Variants in ZNF280D observed in about 807,000 individuals in gnomAD.
ZNF280D encodes suppressor of hairy wing homolog 4.
Under a neutral mutation model 94.7 loss-of-function variants are expected in ZNF280D, and 39 were observed. That is an observed-to-expected ratio of 0.41 (90% CI 0.32 to 0.54). ZNF280D has a LOEUF of 0.54. Among genes scored for constraint, ZNF280D ranks in the 20% least tolerant of loss-of-function variants. The probability of loss-of-function intolerance (pLI) is 0.22; values close to 1 mark genes in which losing one functional copy is unlikely to be tolerated. For synonymous variants in ZNF280D, 398 were observed against 377.6 expected (o/e 1.05, Z -0.63); for missense variants, 1,090 against 1,149.3 (o/e 0.95, Z 0.75).
In ZNF280D at chr15:56,689,425, T is replaced by A; in HGVS notation, c.545A>T (p.Glu182Val). Residue 182 changes from glutamate (E) to valine (V), a missense_variant, in exon 8 of 22, where the codon GAA becomes GTA. Around this residue, in one of 3 missense-constraint regions of ZNF280D, gnomAD observed 386 missense variants for 372.0 expected, o/e 1.04. Coordinates refer to ENST00000267807, the MANE Select transcript of ZNF280D (RefSeq NM_017661.4). ...CTTCTTTGGATTAACATTATTTACTTCAGAAGTAGAAGGACGTTTTGATAA... is the reference window on the plus strand; with the variant it reads ...CTTCTTTGGATTAACATTATTTACTACAGAAGTAGAAGGACGTTTTGATAA... ...SFLSKRPSTS[E>V]VNNVNPKKPK... 6.3e-7 allele frequency: 1 copy of A among 1,584,578 alleles called. No individual in the cohort carries two copies. Among genetic ancestry groups the A allele is most frequent in the East Asian group, 2.3e-5 (1 of 43,694 alleles).
chr15:56,715,826 C>T (rs369837552), intron 1 of ZNF280D, among the ~76,000 whole-genome samples: 1 of 152,102 alleles, frequency 6.6e-6, no homozygotes, highest in East Asian at 1.9e-4. Context: ...ATTTGGCCCT[C>T]CCTATCCGTG....
In ZNF280D at chr15:56,667,744, G is replaced by A. The variant is rs533704210; in HGVS notation, c.1546-758C>T. ...GTAACATACAATGGCACTGGACCAG[G>A]AATCAAAAGGCCTTCCTAGCCATGT... On this transcript the variant is annotated intron_variant, in intron 14 of 21. Coordinates refer to ENST00000267807, the MANE Select transcript of ZNF280D (RefSeq NM_017661.4). 4.6e-4 allele frequency among the ~76,000 whole-genome samples: 70 copies of A among 152,166 alleles called. 2 individuals are homozygous for A. In the South Asian group the frequency reaches 0.015, roughly 32 times the overall value.
intron 13 of ZNF280D, among the ~76,000 whole-genome samples, chr15:56,672,271 A>T (rs547669090): frequency 8.5e-5 from 13 of 152,094 alleles, no homozygotes; most frequent in African/African-American, 2.9e-4. Flanking sequence ...TTTCAAGGGG[A>T]ATGCTTCCAG....
intron 16 of ZNF280D, among the ~76,000 whole-genome samples, chr15:56,661,225 A>C (rs1394716626): frequency 1.3e-5 from 2 of 152,260 alleles, no homozygotes; most frequent in East Asian, 3.9e-4. Context: ...AACTGTGAAG[A>C]TATAGAAGAA....
At chr15:56,725,573 T>C (rs186576130) in intron 1 of ZNF280D, among the ~76,000 whole-genome samples, 1 of 152,288 alleles carries the variant, frequency 6.6e-6, no homozygotes, top group African/African-American at 2.4e-5. Flanking sequence ...TACACTCTTC[T>C]GTTGAAGAAA....
intron 21 of ZNF280D, among the ~76,000 whole-genome samples, chr15:56,634,527 T>A (rs921813888): frequency 2.6e-5 from 4 of 152,048 alleles, no homozygotes; most frequent in Admixed American, 1.3e-4. Context: ...ACTTAATCCA[T>A]AACTTGCTTT....
chr15:56,666,661 T>A lies in ZNF280D; in HGVS notation c.1853+18A>T, dbSNP rs917356001. Reference sequence around the variant, plus strand: ...ACTTAAGTTTAAATTATATTGTATATCAGGAATAAAAGATTACCTTAAATT... The same window carrying A: ...ACTTAAGTTTAAATTATATTGTATAACAGGAATAAAAGATTACCTTAAATT... On this transcript the variant is annotated intron_variant, in intron 15 of 21. Transcript: ENST00000267807. The A allele has an allele frequency of 1.3e-6, 2 of 1,567,602 alleles. No homozygotes were observed. The highest frequency in any genetic ancestry group is 1.7e-6 in the Non-Finnish European group (2 of 1,159,884).
At chr15:56,687,916 A>G (rs946223931) in intron 9 of ZNF280D, among the ~76,000 whole-genome samples, 1 of 152,120 alleles carries the variant, frequency 6.6e-6, no homozygotes, top group African/African-American at 2.4e-5. Context: ...TAAAATGCTG[A>G]ATTTCAATAA....
At position 56,666,385 on chromosome 15, in the gene ZNF280D, T is replaced by G. The variant is rs201389564; in HGVS notation, c.1994+10A>C. On this transcript the variant is annotated intron_variant, in intron 16 of 21. Transcript: ENST00000267807. ...TTTAATTGGCAATTTACACATTTAA[T>G]TCATCTTACCTCATCATATGATTTA... 1.2e-6 allele frequency: 2 copies of G among 1,601,482 alleles called. No homozygotes were observed. The highest frequency in any genetic ancestry group is 2.3e-5 in the South Asian group (2 of 88,460).
At position 56,723,868 on chromosome 15, in the gene ZNF280D, G is replaced by A. The variant is rs535632428; in HGVS notation, c.-86+9590C>T. Among the ~76,000 whole-genome samples the A allele has an allele frequency of 2.6e-5, 4 of 152,262 alleles. No individual in the cohort carries two copies. In the East Asian group the frequency reaches 5.8e-4, roughly 22 times the overall value. ...GCTGAAAATATCGTAAGTTGAAAAT[G>A]CATTCAATACACCTAACCTACCGAA... On this transcript the variant is annotated intron_variant, in intron 1 of 21. Coordinates refer to ENST00000267807, the MANE Select transcript of ZNF280D (RefSeq NM_017661.4).
intron 19 of ZNF280D, among the ~76,000 whole-genome samples, chr15:56,647,147 G>T (rs547281630): frequency 6.6e-6 from 1 of 152,264 alleles, no homozygotes; most frequent in East Asian, 1.9e-4. Context: ...AAAGACAAAG[G>T]TCTGTATTGG....
intron 4 of ZNF280D, among the ~76,000 whole-genome samples, chr15:56,702,146 T>A (rs185114613): frequency 1.3e-5 from 2 of 152,052 alleles, no homozygotes; most frequent in Admixed American, 1.3e-4. Context: ...AGAAATATGG[T>A]TGTTTTCTGA....
At chr15:56,661,418 G>A (rs945781758) in intron 16 of ZNF280D, among the ~76,000 whole-genome samples, 5 of 152,068 alleles carry the variant, frequency 3.3e-5, no homozygotes, top group African/African-American at 4.8e-5. Flanking sequence ...GGAAAAAAGG[G>A]GGAAAACTGT....
chr15:56,728,033 CA>C (rs750887598), intron 1 of ZNF280D, among the ~76,000 whole-genome samples: 1 of 142,696 alleles, frequency 7.0e-6, no homozygotes, highest in Non-Finnish European at 1.6e-5. Context: ...TTACTTAATA[CA>C]TTTTTTTTTT....
chr15:56,635,896 C>G (rs921552913), intron 20 of ZNF280D: 9 of 152,110 alleles, frequency 5.9e-5, no homozygotes, highest in African/African-American at 1.7e-4. Context: ...TTTACATGCA[C>G]TATCTCATTT....
At chr15:56,659,469 T>C (rs993474210) in intron 16 of ZNF280D, among the ~76,000 whole-genome samples, 6 of 152,076 alleles carry the variant, frequency 3.9e-5, no homozygotes, top group Non-Finnish European at 7.4e-5. Flanking sequence ...ACAGACTACG[T>C]TCATATAATT....
At chr15:56,668,788 T>A in intron 14 of ZNF280D, 35 bp downstream of exon 14, 3 of 1,524,226 alleles carry the variant, frequency 2.0e-6, no homozygotes, top group Non-Finnish European at 2.6e-6. Flanking sequence ...TCTATTATCA[T>A]ACAAAATGTT....
intron 6 of ZNF280D, chr15:56,700,651 T>A: frequency 7.3e-7 from 1 of 1,371,356 alleles, no homozygotes; most frequent in Non-Finnish European, 9.4e-7. Context: ...GCAATATTTA[T>A]GGCTGACTAT....
In ZNF280D at chr15:56,682,390, A is replaced by C. The variant is rs1362675688; in HGVS notation, c.868T>G (p.Ser290Ala). 1.3e-6 allele frequency: 2 copies of C among 1,590,698 alleles called. No individual in the cohort carries two copies. The highest frequency in any genetic ancestry group is 1.7e-6 in the Non-Finnish European group (2 of 1,174,058). Residue 290 changes from serine to alanine, a missense_variant, in exon 10 of 22, where the codon TCA becomes GCA. Ser to Ala is a moderately conservative substitution (Grantham distance 99). This residue lies in a region of ZNF280D where 386 missense variants were observed against 372.0 expected (regional missense o/e 1.04). Coordinates refer to ENST00000267807, the MANE Select transcript of ZNF280D (RefSeq NM_017661.4). ...STVNKNTTID[S>A]EKGKLIMLVN... Reference sequence around the variant, plus strand: ...AACATGATCAATTTTCCTTTCTCTGAATCAATAGTTGTGTTTTTATTTACT... The same window carrying C: ...AACATGATCAATTTTCCTTTCTCTGCATCAATAGTTGTGTTTTTATTTACT...
Sources: gnomAD v4.1 joint callset for allele counts (sites outside exome capture counted in the v4.1 genomes callset) on GRCh38, gnomAD v4.1.1 for gene constraint, gnomAD v4.1.1 regional missense constraint, MANE v1.5 for transcripts, NCBI Gene and HGNC (gene_info 2026-07-23, HGNC 2026-07-21) for gene names.